KMT5B: variants seen among roughly 807,000 people sequenced by gnomAD.
KMT5B encodes lysine methyltransferase 5B.
A neutral mutation model predicts 83.2 loss-of-function variants in KMT5B; 10 were observed. That is an observed-to-expected ratio of 0.12 (90% CI 0.07 to 0.20). KMT5B has a LOEUF of 0.20. Ranked by LOEUF, KMT5B falls within the 10% of genes least tolerant of loss-of-function variation. The pLI is 1.00. For missense variants in KMT5B, 753 were observed against 1,067.2 expected, an observed-to-expected ratio of 0.71 and a Z score of 4.10; for synonymous variants, 349 against 388.8, an observed-to-expected ratio of 0.90 and a Z score of 1.20.
intron 1 of KMT5B, among the ~76,000 whole-genome samples, chr11:68,192,062 C>G (rs916317580): frequency 5.3e-5 from 8 of 152,154 alleles, no homozygotes; most frequent in Non-Finnish European, 1.2e-4. Flanking sequence ...AGGTTAGTGG[C>G]CTAGGAGCAA....
intron 9 of KMT5B, among the ~76,000 whole-genome samples, chr11:68,169,367 T>C (rs1251614112): frequency 6.6e-6 from 1 of 152,204 alleles, no homozygotes; most frequent in Non-Finnish European, 1.5e-5. Context: ...ATTTACTCTA[T>C]TCATTCATTT....
At position 68,157,940 on chromosome 11, in the gene KMT5B, G is replaced by A. The variant is rs1414267427; in HGVS notation, c.2406C>T (p.Cys802=). ...ACTCCAAGAGAGAAAGAGGATCACTGCAGCACACCCCATTTTCATGAAGCC... is the reference window on the plus strand; with the variant it reads ...ACTCCAAGAGAGAAAGAGGATCACTACAGCACACCCCATTTTCATGAAGCC... ...TEGLHENGVC[C]SDPLSLLESR... Residue 802 remains cysteine (C), a synonymous_variant, in exon 11 of 11, where the codon TGC becomes TGT. Transcript: ENST00000304363. 3.7e-6 allele frequency: 6 copies of A among 1,614,136 alleles called. No homozygotes were observed. Among genetic ancestry groups the A allele is most frequent in the Non-Finnish European group, 5.1e-6 (6 of 1,180,026 alleles).
intron 1 of KMT5B, among the ~76,000 whole-genome samples, chr11:68,207,038 C>T (rs891227353): frequency 6.6e-6 from 1 of 151,686 alleles, no homozygotes; most frequent in Admixed American, 6.6e-5. Flanking sequence ...GTCAGGAGAT[C>T]GAGACCATCC....
chr11:68,195,635 A>C (rs1242454265), intron 1 of KMT5B, among the ~76,000 whole-genome samples: 1 of 152,214 alleles, frequency 6.6e-6, no homozygotes, highest in Non-Finnish European at 1.5e-5. Context: ...AATTCTAAGG[A>C]GCAAGACTGT....
rs1032753175 is a variant in KMT5B, at chr11:68,154,863, T to C, written c.*2825A>G. The C allele has an allele frequency of 6.6e-6, 1 of 152,140 alleles. No individual in the cohort carries two copies. Among genetic ancestry groups the C allele is most frequent in the Non-Finnish European group, 1.5e-5 (1 of 68,030 alleles). 9.4% of individuals were successfully genotyped at this position (152,140 alleles called of 1,614,324 possible). A position where few individuals can be genotyped will look rare whatever the true frequency, so the allele number is the denominator to read the frequency against. On this transcript the variant is annotated 3_prime_UTR_variant, in exon 11 of 11. Coordinates refer to ENST00000304363, the MANE Select transcript of KMT5B (RefSeq NM_017635.5). ...TCAGATACAGTGAACACCGGCCAAA[T>C]TGTTTTAATTTCCGAATTTATTAAA...
rs768782609 is a variant in KMT5B, at chr11:68,175,072, T to G, written c.489A>C (p.Ala163=). 4 of 1,614,038 alleles carry G rather than the reference T, an allele frequency of 2.5e-6. No individual in the cohort carries two copies. Among genetic ancestry groups the G allele is most frequent in the Non-Finnish European group, 3.4e-6 (4 of 1,180,004 alleles). The change falls in exon 5 of 11, where the codon GCA becomes GCC. Residue 163 remains alanine, a synonymous_variant. Coordinates refer to ENST00000304363, the MANE Select transcript of KMT5B (RefSeq NM_017635.5). Reference sequence around the variant, plus strand: ...TATTCTTGTTGAGAAAATAGTGCCGTGCCCATTCGCCTGAAGTCAAACATT... The same window carrying G: ...TATTCTTGTTGAGAAAATAGTGCCGGGCCCATTCGCCTGAAGTCAAACATT... ...AFKCLTSGEW[A]RHYFLNKNKM...
At position 68,158,870 on chromosome 11, in the gene KMT5B, T is replaced by C; in HGVS notation, c.1476A>G (p.Lys492=). The change falls in exon 11 of 11, where the codon AAA becomes AAG. Residue 492 remains lysine (K), a synonymous_variant. Coordinates refer to ENST00000304363, the MANE Select transcript of KMT5B (RefSeq NM_017635.5). ...VVLYKNLPIK[K]DKEPEGPAQA... is the part of the protein sequence containing the mutation. ...GGGCTGGTCCCTCTGGCTCCTTATC[T>C]TTTTTAATGGGCAAATTTTTATACA... The C allele has an allele frequency of 1.2e-6, 2 of 1,614,154 alleles. No individual in the cohort carries two copies. Among genetic ancestry groups the C allele is most frequent in the Non-Finnish European group, 1.7e-6 (2 of 1,180,042 alleles).
chr11:68,189,031 A>G lies in KMT5B; in HGVS notation c.160+886T>C, dbSNP rs1453114388. The stretch of plus-strand genomic sequence containing the variant: ...AAAGGTTAAGGGTAGCCTGGGCCCA[A>G]TGAATCGCATAAACCCTAAAAGGTA... On this transcript the variant is annotated intron_variant, in intron 2 of 10. Coordinates refer to ENST00000304363, the MANE Select transcript of KMT5B (RefSeq NM_017635.5). 3.3e-5 allele frequency among the ~76,000 whole-genome samples: 5 copies of G among 152,314 alleles called. No individual in the cohort carries two copies. The South Asian group carries it at 1.0e-3, about 32-fold the overall frequency.
At chr11:68,169,364 C>T (rs1855629247) in intron 9 of KMT5B, among the ~76,000 whole-genome samples, 1 of 152,210 alleles carries the variant, frequency 6.6e-6, no homozygotes, top group Non-Finnish European at 1.5e-5. Context: ...TATATTTACT[C>T]TATTCATTCA....
intron 10 of KMT5B, chr11:68,166,298 G>A (rs1394876364): frequency 4.6e-6 from 5 of 1,092,488 alleles, no homozygotes; most frequent in Non-Finnish European, 5.6e-6. Flanking sequence ...CTTTCTCTTT[G>A]TTTAGTCTTC....
chr11:68,177,222 T>C (rs1202954076), intron 4 of KMT5B, among the ~76,000 whole-genome samples: 1 of 152,228 alleles, frequency 6.6e-6, no homozygotes, highest in Non-Finnish European at 1.5e-5. Context: ...GTGATCAATA[T>C]GCAAATGCAT....
rs550881921 is a variant in KMT5B at position 68,179,328 on chromosome 11, T to C, written c.377+804A>G. 7 of 822,046 alleles carry C rather than the reference T, an allele frequency of 8.5e-6. No homozygotes were observed. The South Asian group carries it at 1.3e-4, about 15-fold the overall frequency. 50.9% of individuals were successfully genotyped at this position (822,046 alleles called of 1,614,324 possible). ...CCTCCCTTAATAGAAAATTTGCTACTTTAAATCAACCAAACATATCTATTT... is the reference window on the plus strand; with the variant it reads ...CCTCCCTTAATAGAAAATTTGCTACCTTAAATCAACCAAACATATCTATTT... On this transcript the variant is annotated intron_variant, in intron 4 of 10. Coordinates refer to ENST00000304363, the MANE Select transcript of KMT5B (RefSeq NM_017635.5).
intron 6 of KMT5B, among the ~76,000 whole-genome samples, chr11:68,173,425 G>A (rs2153054294): frequency 6.6e-6 from 1 of 152,278 alleles, no homozygotes; most frequent in African/African-American, 2.4e-5. Context: ...ATGCTTTAGG[G>A]AGGTTTCCAC....
chr11:68,163,271 C>T (rs977402168), intron 10 of KMT5B, among the ~76,000 whole-genome samples: 5 of 152,122 alleles, frequency 3.3e-5, no homozygotes, highest in African/African-American at 1.2e-4. Context: ...TAATGAACGC[C>T]GTTGGAAGGG....
chr11:68,180,047 T>C, intron 4 of KMT5B, 85 bp downstream of exon 4: 1 of 1,428,688 alleles, frequency 7.0e-7, no homozygotes, highest in Non-Finnish European at 9.4e-7. Flanking sequence ...ATGCTGACAC[T>C]TCAAATTACT....
intron 1 of KMT5B, among the ~76,000 whole-genome samples, chr11:68,207,266 A>C (rs1265415810): frequency 6.6e-6 from 1 of 152,090 alleles, no homozygotes; most frequent in Non-Finnish European, 1.5e-5. Context: ...AAACATTCAG[A>C]GGGACCACAG....
At chr11:68,185,387 T>TA (rs1191244835) in intron 3 of KMT5B, among the ~76,000 whole-genome samples, 1 of 152,200 alleles carries the variant, frequency 6.6e-6, no homozygotes, top group African/African-American at 2.4e-5. Context: ...TTTGTACTTT[T>TA]AGTAGAGACA....
At chr11:68,213,370 C>A (rs1467697503), upstream of KMT5B, 3 of 147,454 alleles carry the variant, frequency 2.0e-5, no homozygotes, top group South Asian at 3.5e-4. Flanking sequence ...TCCGAGCCCC[C>A]CGCCCCCAAC....
rs988475410 is a variant in KMT5B, at chr11:68,158,383, G to A, written c.1963C>T (p.His655Tyr). 3 of 1,614,092 alleles carry A rather than the reference G, an allele frequency of 1.9e-6. No individual in the cohort carries two copies. The South Asian group carries it at 3.3e-5, about 18-fold the overall frequency. The change falls in exon 11 of 11, where the codon CAC becomes TAC. Residue 655 changes from histidine to tyrosine, a missense_variant. His to Tyr is a moderately conservative substitution (Grantham distance 83). Coordinates refer to ENST00000304363, the MANE Select transcript of KMT5B (RefSeq NM_017635.5). ...LMGPHSDQGEHSGTVGVPVSY... is the reference protein window; with the variant it reads ...LMGPHSDQGEYSGTVGVPVSY... ...ACAGGCACGCCCACAGTGCCACTGT[G>A]CTCACCCTGGTCAGAATGGGGACCC...
Sources: allele counts gnomAD v4.1 joint callset (sites outside exome capture counted in the v4.1 genomes callset), GRCh38; gene constraint gnomAD v4.1.1; transcripts MANE v1.5; gene names NCBI Gene and HGNC (gene_info 2026-07-23, HGNC 2026-07-21).